ZNF804B: variants seen among roughly 807,000 people sequenced by gnomAD.
The protein encoded by ZNF804B is zinc finger 804B.
ZNF804B carries 80 observed loss-of-function variants against 101.4 expected under a neutral mutation model. The ratio of observed to expected loss-of-function variants is 0.79; its 90% CI spans 0.66 to 0.95. ZNF804B has a LOEUF of 0.95. Ranked by LOEUF, ZNF804B falls within the 40% of genes least tolerant of loss-of-function variation. The probability of loss-of-function intolerance (pLI) is 0.00; values close to 1 mark genes in which losing one functional copy is unlikely to be tolerated. For synonymous variants in ZNF804B, 622 were observed against 558.8 expected, an observed-to-expected ratio of 1.11 and a Z score of -1.59; for missense variants, 1,673 against 1,561.9, an observed-to-expected ratio of 1.07 and a Z score of -1.20.
intron 1 of ZNF804B, among the ~76,000 whole-genome samples, chr7:88,782,365 C>T (rs1488447738): frequency 6.6e-6 from 1 of 152,040 alleles, no homozygotes; most frequent in Non-Finnish European, 1.5e-5. Context: ...CTGTTAAACA[C>T]TGATAGTTAA....
At chr7:89,144,662 G>T (rs1790765443) in intron 1 of ZNF804B, among the ~76,000 whole-genome samples, 1 of 151,776 alleles carries the variant, frequency 6.6e-6, no homozygotes, top group African/African-American at 2.4e-5. Context: ...AAATAATAAG[G>T]TAGATTTCAA....
chr7:89,156,475 C>A (rs17399421), intron 1 of ZNF804B, among the ~76,000 whole-genome samples: 11 of 151,968 alleles, frequency 7.2e-5, no homozygotes, highest in African/African-American at 2.7e-4. Context: ...TCCATTGTAA[C>A]GTTTGTGTAC....
In ZNF804B at chr7:89,145,666, C is replaced by CAAG; in HGVS notation, c.109-72489_109-72488insAAG. 1.3e-5 allele frequency among the ~76,000 whole-genome samples: 2 copies of CAAG among 152,102 alleles called. 1 individual carries two copies. The highest frequency in any genetic ancestry group is 4.1e-4 in the South Asian group (2 of 4,822). On this transcript the variant is annotated intron_variant, in intron 1 of 3. Coordinates refer to ENST00000333190, the MANE Select transcript of ZNF804B (RefSeq NM_181646.5). ...ATAATCAATTTAATACATTCATTGA[C>CAAG]TAATTCCACAAACATATACTTATTT...
At chr7:88,991,018 A>G (rs1469123422) in intron 1 of ZNF804B, among the ~76,000 whole-genome samples, 4 of 152,148 alleles carry the variant, frequency 2.6e-5, no homozygotes, top group Admixed American at 1.3e-4. Context: ...CATCAGTATC[A>G]CCAGTCATTG....
chr7:88,808,322 C>T (rs1472838386), intron 1 of ZNF804B, among the ~76,000 whole-genome samples: 1 of 148,618 alleles, frequency 6.7e-6, no homozygotes, highest in Non-Finnish European at 1.5e-5. Flanking sequence ...ACGGAGGTTG[C>T]AGTGAGCCGA....
intron 2 of ZNF804B, among the ~76,000 whole-genome samples, chr7:89,248,977 G>A (rs1446591270): frequency 1.3e-5 from 2 of 148,528 alleles, no homozygotes; most frequent in African/African-American, 5.0e-5. Context: ...CACAAAAAAA[G>A]GCAGGGTAGC....
intron 1 of ZNF804B, among the ~76,000 whole-genome samples, chr7:89,110,538 A>G (rs1183105971): frequency 6.6e-6 from 1 of 152,214 alleles, no homozygotes; most frequent in Non-Finnish European, 1.5e-5. Context: ...AAAGACTTTA[A>G]AAACAAATAT....
intron 1 of ZNF804B, among the ~76,000 whole-genome samples, chr7:89,171,528 G>A (rs567144007): frequency 1.7e-4 from 26 of 151,640 alleles, no homozygotes; most frequent in Admixed American, 6.6e-4. Flanking sequence ...TCTGCCTCCC[G>A]GGTTCAAGCA....
rs1791113402 is a variant in ZNF804B, at chr7:89,337,284, A to AT, written c.*255dup. On this transcript the variant is annotated 3_prime_UTR_variant, in exon 4 of 4. Transcript: ENST00000333190. ...AGAGGGAAGAGGGAAAGAGTTAAAG[A>AT]TTTGTTTTGGATGGGTTCTCGCATA... Among the ~76,000 whole-genome samples, 1 of 152,088 alleles carries AT rather than the reference A, an allele frequency of 6.6e-6. No homozygotes were observed. The highest frequency in any genetic ancestry group is 1.5e-5 in the Non-Finnish European group (1 of 67,996).
chr7:89,197,108 A>C (rs1405877720), intron 1 of ZNF804B, among the ~76,000 whole-genome samples: 7 of 151,838 alleles, frequency 4.6e-5, no homozygotes, highest in Non-Finnish European at 1.0e-4. Context: ...CAGCAATCTT[A>C]ATACCTAGGT....
In ZNF804B at chr7:89,333,496, A is replaced by T. The variant is rs1791017777; in HGVS notation, c.514A>T (p.Asn172Tyr). 1.9e-6 allele frequency: 3 copies of T among 1,613,224 alleles called. No individual in the cohort carries two copies. Among genetic ancestry groups the T allele is most frequent in the South Asian group, 2.2e-5 (2 of 91,062 alleles). The change falls in exon 4 of 4, where the codon AAT (asparagine) becomes TAT (tyrosine). Residue 172 changes from asparagine (N) to tyrosine (Y), a missense_variant. Coordinates refer to ENST00000333190, the MANE Select transcript of ZNF804B (RefSeq NM_181646.5). ...GAGTGCTCTTCTCCTTAAAGGAAAA[A>T]ATCTCCCCAGAATCATATCCGATAA... is the stretch of plus-strand genomic sequence containing the variant. ...MKSALLLKGK[N>Y]LPRIISDKQR...
chr7:89,209,381 A>T (rs917738395), intron 1 of ZNF804B, among the ~76,000 whole-genome samples: 2 of 152,204 alleles, frequency 1.3e-5, no homozygotes, highest in African/African-American at 4.8e-5. Context: ...GGAAAAGTCA[A>T]ATTTTGTTTA....
chr7:89,317,795 T>C (rs190864960), intron 2 of ZNF804B, among the ~76,000 whole-genome samples: 2 of 152,334 alleles, frequency 1.3e-5, no homozygotes, highest in Admixed American at 6.5e-5. Context: ...AACTCTCAGC[T>C]GCTCTGCTCT....
rs1172065445 is a variant in ZNF804B at position 89,334,486 on chromosome 7, G to A, written c.1504G>A (p.Gly502Ser). 3.7e-6 allele frequency: 6 copies of A among 1,613,526 alleles called. No homozygotes were observed. The highest frequency in any genetic ancestry group is 1.3e-5 in the African/African-American group (1 of 74,834). ...HNLEDLKTEL[G>S]KKPLELKTKR... ...TCTAGAGGACTTAAAAACAGAATTG[G>A]GTAAGAAGCCCTTGGAATTGAAGAC... The change falls in exon 4 of 4, where the codon GGT becomes AGT. Residue 502 changes from glycine (G) to serine (S), a missense_variant. Coordinates refer to ENST00000333190, the MANE Select transcript of ZNF804B (RefSeq NM_181646.5).
At chr7:88,840,305 G>T (rs1791276299) in intron 1 of ZNF804B, among the ~76,000 whole-genome samples, 1 of 152,004 alleles carries the variant, frequency 6.6e-6, no homozygotes, top group Admixed American at 6.6e-5. Flanking sequence ...AAGGTAATTT[G>T]CTTGATTGGC....
Position 88,765,131 on chromosome 7 carries a change from G to A in ZNF804B, c.108+5047G>A, listed in dbSNP as rs151108263. On this transcript the variant is annotated intron_variant, in intron 1 of 3. Transcript: ENST00000333190. Reference sequence around the variant, plus strand: ...TTTCCATATTAAGAAGACTTAAATAGGTATTTGAGCGCTATAATTTTGGCT... The same window carrying A: ...TTTCCATATTAAGAAGACTTAAATAAGTATTTGAGCGCTATAATTTTGGCT... Among the ~76,000 whole-genome samples, 9 of 152,050 alleles carry A rather than the reference G, an allele frequency of 5.9e-5. No homozygotes were observed. In the East Asian group the frequency reaches 1.7e-3, roughly 29 times the overall value.
chr7:89,321,898 T>C (rs556804423), intron 2 of ZNF804B, among the ~76,000 whole-genome samples: 1 of 152,120 alleles, frequency 6.6e-6, no homozygotes, highest in Non-Finnish European at 1.5e-5. Flanking sequence ...AAAAGAGATA[T>C]GACAGTACTA....
At chr7:88,885,757 A>G (rs1477299016) in intron 1 of ZNF804B, among the ~76,000 whole-genome samples, 4 of 151,434 alleles carry the variant, frequency 2.6e-5, no homozygotes, top group Non-Finnish European at 5.9e-5. Flanking sequence ...TCATTGTGAA[A>G]TCGATAAAAT....
chr7:89,086,334 G>A (rs1583977843), intron 1 of ZNF804B, among the ~76,000 whole-genome samples: 1 of 151,818 alleles, frequency 6.6e-6, no homozygotes, highest in Admixed American at 6.6e-5. Flanking sequence ...CTATAATAGA[G>A]CATTTTTAGG....
Sources: gnomAD v4.1 joint callset for allele counts (sites outside exome capture counted in the v4.1 genomes callset) on GRCh38, gnomAD v4.1.1 for gene constraint, MANE v1.5 for transcripts, NCBI Gene and HGNC (gene_info 2026-07-23, HGNC 2026-07-21) for gene names.